The following AK9 variants were observed in gnomAD, a reference collection of about 807,000 sequenced individuals.
AK9 encodes adenylate kinase domain containing 1.
In AK9, 191 loss-of-function variants were observed where a neutral mutation model predicts 239.6. The observed-to-expected ratio is 0.80, with a 90% CI of 0.71 to 0.90. AK9 has a LOEUF of 0.90. AK9 is among the 40% of genes least tolerant of loss of function. The pLI is 0.00. For synonymous variants in AK9, 689 were observed against 721.0 expected (o/e 0.96, Z 0.71); for missense variants, 1,995 against 2,214.7 (o/e 0.90, Z 1.99).
At chr6:109,586,116 G>C (rs1377257214) in intron 17 of AK9, 44 bp from the exon 18 acceptor site, 7 of 1,449,114 alleles carry the variant, frequency 4.8e-6, no homozygotes, top group Non-Finnish European at 5.5e-6. Flanking sequence ...AGCTTGACAA[G>C]TCAAGGATGC....
intron 12 of AK9, among the ~76,000 whole-genome samples, chr6:109,628,467 T>A (rs371403606): frequency 2.0e-4 from 31 of 152,212 alleles, no homozygotes; most frequent in African/African-American, 7.0e-4. Context: ...TGCAGACAAT[T>A]GAGGTAACCA....
chr6:109,514,495 T>C, intron 31 of AK9, 58 bp from the exon 32 acceptor site: 2 of 1,370,944 alleles, frequency 1.5e-6, no homozygotes, highest in Non-Finnish European at 2.0e-6. Context: ...AGCACTTCCC[T>C]GAAACATATT....
intron 25 of AK9, among the ~76,000 whole-genome samples, chr6:109,547,124 C>A (rs547405720): frequency 6.6e-6 from 1 of 152,138 alleles, no homozygotes; most frequent in South Asian, 2.1e-4. Flanking sequence ...AAATGACCCC[C>A]AACACCAGTG....
At position 109,626,140 on chromosome 6, in the gene AK9, G is replaced by A. The variant is rs145479645; in HGVS notation, c.1254+6783C>T. ...CTAATTCAGTAAAACGTTCAGTTTG[G>A]TTTTTATATTTTTAGTGCAGGATTT... is the stretch of plus-strand genomic sequence containing the variant. On this transcript the variant is annotated intron_variant, in intron 12 of 40. Coordinates refer to ENST00000424296, the MANE Select transcript of AK9 (RefSeq NM_001145128.3). Among the ~76,000 whole-genome samples, 16 of 152,032 alleles carry A rather than the reference G, an allele frequency of 1.1e-4. No individual in the cohort carries two copies. The East Asian group carries it at 3.1e-3, about 29-fold the overall frequency.
intron 25 of AK9, 84 bp downstream of exon 25, chr6:109,550,006 C>A (rs1054221005): frequency 5.0e-5 from 70 of 1,405,410 alleles, no homozygotes; most frequent in Non-Finnish European, 6.5e-5. Context: ...GGGGATTTCA[C>A]CCTTAAGTAA....
intron 21 of AK9, among the ~76,000 whole-genome samples, chr6:109,573,150 ACCGTTATATTTTACTACCTTTAATGAC>A (rs1787637138): frequency 6.6e-6 from 1 of 152,122 alleles, no homozygotes; most frequent in African/African-American, 2.4e-5. Flanking sequence ...GAAAGGAAAA[ACCGTTATATTTTACTACCTTTAATGAC>A]ACTTTTTTCC....
At position 109,533,413 on chromosome 6, in the gene AK9, CA is replaced by C; in HGVS notation, c.3407del (p.Leu1136TrpfsTer35). ...FPRYPEEAQF[L>X]GDRGFFPDAA... ...CATCTGGGAAAAATCCACGATCTCC[CA>C]AAAACTGGGCCTCTTCTGGATATCG... On this transcript the variant is annotated frameshift_variant, in exon 28 of 41. Transcript: ENST00000424296. LOFTEE classifies it high-confidence loss of function. 1 of 1,611,054 alleles carries C rather than the reference CA, an allele frequency of 6.2e-7. No individual in the cohort carries two copies. Among genetic ancestry groups the C allele is most frequent in the Admixed American group, 1.7e-5 (1 of 59,554 alleles).
intron 27 of AK9, 57 bp from the exon 28 acceptor site, chr6:109,533,527 T>A: frequency 2.2e-6 from 3 of 1,372,178 alleles, no homozygotes; most frequent in Non-Finnish European, 3.0e-6. Context: ...ATGGATGTGT[T>A]CATTAATTTG....
At chr6:109,499,267 A>G (rs549607998) in intron 35 of AK9, 27 bp from the exon 36 acceptor site, 80 of 1,395,420 alleles carry the variant, frequency 5.7e-5, no homozygotes, top group Non-Finnish European at 7.5e-5. Flanking sequence ...AACTATTATC[A>G]TGTATATATT....
chr6:109,505,593 T>C (rs562837935), intron 35 of AK9, among the ~76,000 whole-genome samples: 7 of 152,338 alleles, frequency 4.6e-5, no homozygotes, highest in African/African-American at 1.7e-4. Context: ...TCTAGATTCC[T>C]AAATAAAATT....
intron 17 of AK9, among the ~76,000 whole-genome samples, chr6:109,587,562 T>C (rs1789668237): frequency 6.6e-6 from 1 of 152,160 alleles, no homozygotes; most frequent in Non-Finnish European, 1.5e-5. Context: ...TCTGCTTCCA[T>C]GTGTACACAT....
chr6:109,514,117 T>A, intron 32 of AK9, 107 bp downstream of exon 32: 1 of 1,073,336 alleles, frequency 9.3e-7, no homozygotes, highest in Non-Finnish European at 1.3e-6. Flanking sequence ...CGATTAAATG[T>A]CTTTTTCTGC....
At chr6:109,516,687 A>AT in intron 29 of AK9, 45 bp from the exon 30 acceptor site, 1 of 1,442,594 alleles carries the variant, frequency 6.9e-7, no homozygotes, top group Non-Finnish European at 9.4e-7. Context: ...TAAAATATGT[A>AT]ACAAAAGACA....
At chr6:109,519,607 C>A (rs1245652196) in intron 29 of AK9, among the ~76,000 whole-genome samples, 2 of 151,954 alleles carry the variant, frequency 1.3e-5, no homozygotes, top group Admixed American at 6.6e-5. Flanking sequence ...ACAGCCTGGG[C>A]AAAATGGTTA....
At chr6:109,672,924 G>A (rs970141397) in intron 3 of AK9, among the ~76,000 whole-genome samples, 1 of 152,162 alleles carries the variant, frequency 6.6e-6, no homozygotes, top group Non-Finnish European at 1.5e-5. Context: ...TTTGCACATG[G>A]TGTAAAAGGA....
chr6:109,542,158 T>C lies in AK9; in HGVS notation c.3239A>G (p.Gln1080Arg). Residue 1080 changes from glutamine (Q) to arginine (R), a missense_variant, in exon 27 of 41, where the codon CAA becomes CGA. Coordinates refer to ENST00000424296, the MANE Select transcript of AK9 (RefSeq NM_001145128.3). ...GATTACTTCTTCTTCTTCTGTAAGT[T>C]GTACTTCTGGAAGCTAAAAACAAAA... ...ENTKKQLPEVQLTEEEEVIKS... is the reference protein window; with the variant it reads ...ENTKKQLPEVRLTEEEEVIKS... 1 of 1,594,394 alleles carries C rather than the reference T, an allele frequency of 6.3e-7. No homozygotes were observed. The highest frequency in any genetic ancestry group is 8.5e-7 in the Non-Finnish European group (1 of 1,173,328).
chr6:109,691,184 G>C lies in AK9; in HGVS notation c.-49C>G, dbSNP rs1431783729. 1.7e-6 allele frequency: 1 copy of C among 577,950 alleles called. No individual in the cohort carries two copies. The highest frequency in any genetic ancestry group is 3.1e-6 in the Non-Finnish European group (1 of 322,670). The allele number at this position is 577,950 out of a possible 1,614,324, so 35.8% of individuals were successfully genotyped here. On this transcript the variant is annotated 5_prime_UTR_variant, in exon 1 of 41. Coordinates refer to ENST00000424296, the MANE Select transcript of AK9 (RefSeq NM_001145128.3). ...CCTTCGCTTCCTCTCTCGGCAGCACGCAGGTCCCGGGAGCCTCTACCCGAC... is the reference window on the plus strand; with the variant it reads ...CCTTCGCTTCCTCTCTCGGCAGCACCCAGGTCCCGGGAGCCTCTACCCGAC...
chr6:109,614,127 A>G, intron 15 of AK9, 56 bp downstream of exon 15: 4 of 1,452,170 alleles, frequency 2.8e-6, no homozygotes, highest in Admixed American at 2.0e-5. Context: ...ATAATCAAAT[A>G]TGAAATAAAT....
chr6:109,628,435 G>A (rs1795779415), intron 12 of AK9, among the ~76,000 whole-genome samples: 1 of 152,140 alleles, frequency 6.6e-6, no homozygotes, highest in South Asian at 2.1e-4. Context: ...TGCTTGTCCT[G>A]TCAGGAAACT....
Sources: gnomAD v4.1 joint callset for allele counts (sites outside exome capture counted in the v4.1 genomes callset) on GRCh38, gnomAD v4.1.1 for gene constraint, MANE v1.5 for transcripts, NCBI Gene and HGNC (gene_info 2026-07-23, HGNC 2026-07-21) for gene names.